The following UGGT2 variants were observed in gnomAD, a reference collection of about 807,000 sequenced individuals.
The protein encoded by UGGT2 is UDP-glucose:glycoprotein glucosyltransferase 2.
A neutral mutation model predicts 192.1 loss-of-function variants in UGGT2; 180 were observed. The ratio of observed to expected loss-of-function variants is 0.94; its 90% CI spans 0.83 to 1.06. UGGT2 has a LOEUF of 1.06. Ranked by LOEUF, UGGT2 falls within the 50% of genes least tolerant of loss-of-function variation. The probability of loss-of-function intolerance (pLI) is 0.00; values close to 1 mark genes in which losing one functional copy is unlikely to be tolerated. For missense variants in UGGT2, 1,849 were observed against 1,795.7 expected (o/e 1.03, Z -0.54); for synonymous variants, 580 against 591.0 (o/e 0.98, Z 0.27).
intron 1 of UGGT2, among the ~76,000 whole-genome samples, chr13:96,048,543 TCAGGAG>T (rs202018388): frequency 0.029 from 4,373 of 151,820 alleles, 75 homozygotes; most frequent in Non-Finnish European, 0.034. Flanking sequence ...ATCAATGAAT[TCAGGAG>T]CTGGTTTTTT....
intron 29 of UGGT2, among the ~76,000 whole-genome samples, chr13:95,873,645 G>C (rs1235933562): frequency 6.6e-6 from 1 of 152,134 alleles, no homozygotes; most frequent in African/African-American, 2.4e-5. Context: ...ATGTGACCTA[G>C]AGATGGAGCC....
intron 12 of UGGT2, among the ~76,000 whole-genome samples, chr13:95,953,764 T>C (rs1844839998): frequency 6.6e-6 from 1 of 152,060 alleles, no homozygotes; most frequent in South Asian, 2.1e-4. Context: ...CGTTCCACAT[T>C]TGGAGAAAAA....
intron 12 of UGGT2, among the ~76,000 whole-genome samples, chr13:95,967,293 C>A (rs1399716119): frequency 6.6e-6 from 1 of 151,860 alleles, no homozygotes; most frequent in African/African-American, 2.4e-5. Context: ...GCTGGGACTA[C>A]AGGCACGTAC....
At chr13:96,008,315 A>G (rs546694145) in intron 5 of UGGT2, among the ~76,000 whole-genome samples, 1 of 152,294 alleles carries the variant, frequency 6.6e-6, no homozygotes, top group African/African-American at 2.4e-5. Context: ...ATCAGAATAC[A>G]TAAGGAACTT....
chr13:95,839,171 C>T (rs902645597), intron 36 of UGGT2, among the ~76,000 whole-genome samples: 8 of 151,900 alleles, frequency 5.3e-5, no homozygotes, highest in Non-Finnish European at 1.0e-4. Context: ...CCCCCCATGC[C>T]GACTGTTTTT....
chr13:95,902,783 T>C (rs1594275538), intron 21 of UGGT2, 71 bp downstream of exon 21: 1 of 1,407,428 alleles, frequency 7.1e-7, no homozygotes, highest in Non-Finnish European at 9.7e-7. Context: ...TCAGTAACAA[T>C]ATCTCCAAAT....
chr13:95,880,645 TAAAC>T (rs2047466425), intron 27 of UGGT2, among the ~76,000 whole-genome samples: 2 of 152,172 alleles, frequency 1.3e-5, no homozygotes, highest in South Asian at 2.1e-4. Context: ...ATTCCAGAAA[TAAAC>T]AATTCATAAG....
intron 12 of UGGT2, among the ~76,000 whole-genome samples, chr13:95,953,691 T>A (rs895270341): frequency 6.6e-6 from 1 of 152,014 alleles, no homozygotes; most frequent in African/African-American, 2.4e-5. Context: ...GAAGTGCACA[T>A]CTAATGCCCA....
At chr13:96,018,399 C>T (rs55849606) in intron 4 of UGGT2, among the ~76,000 whole-genome samples, 1,714 of 152,082 alleles carry the variant, frequency 0.011, 38 homozygotes, top group African/African-American at 0.038. Flanking sequence ...ACCTGTAGTC[C>T]CATCTACTCA....
intron 12 of UGGT2, among the ~76,000 whole-genome samples, chr13:95,965,057 G>A (rs1307509697): frequency 6.6e-6 from 1 of 150,692 alleles, no homozygotes; most frequent in African/African-American, 2.4e-5. Flanking sequence ...TCTCACACCA[G>A]TTAGAATGGC....
intron 27 of UGGT2, among the ~76,000 whole-genome samples, chr13:95,881,879 G>C (rs922891469): frequency 1.3e-5 from 2 of 150,568 alleles, no homozygotes; most frequent in African/African-American, 4.9e-5. Flanking sequence ...CAACACATCT[G>C]AACTCCAGGT....
At chr13:95,993,243 G>C (rs903239327) in intron 7 of UGGT2, among the ~76,000 whole-genome samples, 2 of 152,168 alleles carry the variant, frequency 1.3e-5, no homozygotes, top group African/African-American at 2.4e-5. Flanking sequence ...GGGTCTATTA[G>C]AGTGGGAAGA....
At chr13:96,034,969 G>C (rs1015428696) in intron 1 of UGGT2, among the ~76,000 whole-genome samples, 3 of 152,188 alleles carry the variant, frequency 2.0e-5, no homozygotes, top group Non-Finnish European at 4.4e-5. Flanking sequence ...GCAAAACTAG[G>C]GCAAAGGTGC....
chr13:96,008,194 C>G (rs1443992659), intron 5 of UGGT2, among the ~76,000 whole-genome samples: 1 of 152,120 alleles, frequency 6.6e-6, no homozygotes, highest in Non-Finnish European at 1.5e-5. Context: ...GTGGAGTTAA[C>G]ATCAAGCTAA....
At chr13:95,871,048 C>T (rs1055638988) in intron 29 of UGGT2, among the ~76,000 whole-genome samples, 1 of 152,068 alleles carries the variant, frequency 6.6e-6, no homozygotes, top group African/African-American at 2.4e-5. Context: ...TCTGTTACAG[C>T]AGCAAAAAAT....
chr13:95,985,848 C>T (rs193125092), intron 9 of UGGT2, among the ~76,000 whole-genome samples: 2 of 152,182 alleles, frequency 1.3e-5, no homozygotes, highest in Admixed American at 6.5e-5. Flanking sequence ...AGCAGTTCAA[C>T]GAGACATCCT....
chr13:95,948,025 A>G lies in UGGT2; in HGVS notation c.1512T>C (p.Asp504=). Reference sequence around the variant, plus strand: ...GAGGAACTTCGTGAGAATAGAAAACATCAGCAAGTTTTATAAAATCCAAGG... The same window carrying G: ...GAGGAACTTCGTGAGAATAGAAAACGTCAGCAAGTTTTATAAAATCCAAGG... ...EYTLDFIKLA[D]VFYSHEVPLR... Residue 504 remains aspartate (D), a synonymous_variant, in exon 14 of 39, where the codon GAT becomes GAC. Transcript: ENST00000376747. The G allele has an allele frequency of 6.2e-7, 1 of 1,613,292 alleles. No homozygotes were observed. The highest frequency in any genetic ancestry group is 8.5e-7 in the Non-Finnish European group (1 of 1,179,624).
At chr13:95,862,633 T>A (rs1389532804) in intron 31 of UGGT2, among the ~76,000 whole-genome samples, 1 of 152,176 alleles carries the variant, frequency 6.6e-6, no homozygotes, top group Non-Finnish European at 1.5e-5. Flanking sequence ...CAGCTATAGT[T>A]GGACCCATGA....
At chr13:96,010,286 CCACGAAATACT>C (rs1158420362) in intron 5 of UGGT2, among the ~76,000 whole-genome samples, 1 of 152,174 alleles carries the variant, frequency 6.6e-6, no homozygotes, top group Non-Finnish European at 1.5e-5. Flanking sequence ...TACATATACA[CCACGAAATACT>C]ACACAGTGCA....
Sources: gnomAD v4.1 joint callset for allele counts (sites outside exome capture counted in the v4.1 genomes callset) on GRCh38, gnomAD v4.1.1 for gene constraint, MANE v1.5 for transcripts, NCBI Gene and HGNC (gene_info 2026-07-23, HGNC 2026-07-21) for gene names.